The following NISCH variants were observed in gnomAD, a reference collection of about 807,000 sequenced individuals.
The protein encoded by NISCH is I-1 receptor candidate protein.
In NISCH, 55 loss-of-function variants were observed where a neutral mutation model predicts 138.4. That is an observed-to-expected ratio of 0.40 (90% confidence interval 0.32 to 0.50). The LOEUF (loss-of-function observed/expected upper bound fraction) is 0.50. NISCH is among the 20% of genes least tolerant of loss of function. The pLI, the probability that NISCH is intolerant of heterozygous loss-of-function variation, is 0.71. For missense variants in NISCH, 1,643 were observed against 2,005.5 expected, an observed-to-expected ratio of 0.82 and a Z score of 3.45; for synonymous variants, 860 against 861.5, an observed-to-expected ratio of 1.00 and a Z score of 0.03.
rs569796084 is a variant in NISCH, at chr3:52,487,532, T to G, written c.2040T>G (p.Asp680Glu). 1.9e-6 allele frequency: 3 copies of G among 1,607,084 alleles called. No individual in the cohort carries two copies. Among genetic ancestry groups the G allele is most frequent in the Non-Finnish European group, 2.6e-6 (3 of 1,175,142 alleles). The stretch of plus-strand genomic sequence containing the variant: ...AGGAAGAGGAGGAGGAAGAGGAGGA[T>G]GAAGAGGCCGAGGAGGAGCGCCTGG... The part of the protein sequence containing the change: ...QGEEEEEEEE[D>E]EEAEEERLAL... The change falls in exon 16 of 21, where the codon GAT (aspartate) becomes GAG (glutamate). Residue 680 changes from aspartate (D) to glutamate (E), a missense_variant. Physicochemically the swap from Asp to Glu is conservative, Grantham distance 45 (BLOSUM62 2). Transcript: ENST00000345716. The surrounding 1 kb of genome is among the most constrained non-coding windows in gnomAD (Gnocchi z 9.1).
chr3:52,488,030 C>T lies in NISCH; in HGVS notation c.2538C>T (p.Gly846=), dbSNP rs753957007. 1.2e-5 allele frequency: 19 copies of T among 1,611,968 alleles called. No homozygotes were observed. The highest frequency in any genetic ancestry group is 1.2e-4 in the Admixed American group (7 of 60,008). ...RQLLTFYKVA[G]GCQERSQGCF... ...TGCTCACCTTCTACAAGGTGGCTGGCGGCTGCCAGGAGCGCAGCCAGGGCT... is the reference window on the plus strand; with the variant it reads ...TGCTCACCTTCTACAAGGTGGCTGGTGGCTGCCAGGAGCGCAGCCAGGGCT... Residue 846 remains glycine (G), a synonymous_variant, in exon 16 of 21, where the codon GGC becomes GGT. Transcript: ENST00000345716.
At position 52,487,384 on chromosome 3, in the gene NISCH, G is replaced by A; in HGVS notation, c.1892G>A (p.Gly631Asp). 1 of 1,614,038 alleles carries A rather than the reference G, an allele frequency of 6.2e-7. No homozygotes were observed. The highest frequency in any genetic ancestry group is 8.5e-7 in the Non-Finnish European group (1 of 1,179,982). Reference sequence around the variant, plus strand: ...GAGGCTGCCAACCAGCGGGAGGAGGGCCAGGGTGAACAGGGCGAGGAGGAG... The same window carrying A: ...GAGGCTGCCAACCAGCGGGAGGAGGACCAGGGTGAACAGGGCGAGGAGGAG... ...WIEAANQREE[G>D]QGEQGEEEDE... Residue 631 changes from glycine (G) to aspartate (D), a missense_variant, in exon 16 of 21, where the codon GGC becomes GAC. Gly to Asp is a moderately conservative substitution (Grantham distance 94). Coordinates refer to ENST00000345716, the MANE Select transcript of NISCH (RefSeq NM_007184.4). This position sits in a 1 kb window ranked among gnomAD's most constrained non-coding sequence, Gnocchi z 9.1.
Position 52,488,281 on chromosome 3 carries a change from G to A in NISCH, c.2789G>A (p.Arg930His), listed in dbSNP as rs150644559. The A allele has an allele frequency of 2.4e-3, 3,943 of 1,610,474 alleles. 75 individuals are homozygous for A. The Admixed American group carries it at 0.034, about 14-fold the overall frequency. The change falls in exon 16 of 21, where the codon CGT becomes CAT. Residue 930 changes from arginine to histidine, a missense_variant. Arg to His is a conservative substitution (Grantham distance 29). Transcript: ENST00000345716. ...IKADFNPMPN[R>H]GTHNCRNRNS... ...GCCGACTTCAACCCCATGCCCAACC[G>A]TGGCACCCACAACTGTCGCAACCGC...
chr3:52,491,597 C>T, intron 20 of NISCH, 84 bp downstream of exon 20: 1 of 1,415,506 alleles, frequency 7.1e-7, no homozygotes, highest in Non-Finnish European at 9.5e-7. Flanking sequence ...CCCCAGAACC[C>T]TCTCTGCCTC....
At chr3:52,481,799 T>C in intron 13 of NISCH, 1 of 985,506 alleles carries the variant, frequency 1.0e-6, no homozygotes, top group Non-Finnish European at 1.2e-6. Context: ...ACTCCCCTTG[T>C]GCCCTGGGGA....
In NISCH at chr3:52,489,404, C is replaced by T. The variant is rs1302523098; in HGVS notation, c.3182C>T (p.Pro1061Leu). The change falls in exon 17 of 21, where the codon CCA (proline) becomes CTA (leucine). Residue 1061 changes from proline to leucine, a missense_variant. Pro to Leu is a moderately conservative substitution (Grantham distance 98, BLOSUM62 -3). Transcript: ENST00000345716. ...CCGGCCCCAGCGGAAGTCCCAGCTC[C>T]AGCCCCTGCAGCAGCCTCAGCCTCA... Reference protein sequence around the residue: ...LAPAPAEVPAPAPAAASASGP... With the variant: ...LAPAPAEVPALAPAAASASGP... 1 of 1,607,840 alleles carries T rather than the reference C, an allele frequency of 6.2e-7. No homozygotes were observed. The highest frequency in any genetic ancestry group is 1.7e-5 in the Admixed American group (1 of 59,916).
At chr3:52,482,744 G>A (rs1350375915) in intron 13 of NISCH, among the ~76,000 whole-genome samples, 4 of 152,134 alleles carry the variant, frequency 2.6e-5, no homozygotes, top group African/African-American at 4.8e-5. Context: ...GCCACCTGCC[G>A]CATCTTAGAT....
chr3:52,491,907 C>T lies in NISCH; in HGVS notation c.3940C>T (p.Arg1314Cys), dbSNP rs200063553. Reference protein sequence around the residue: ...MENYELIHSSRVKFTYPSEEE... With the variant: ...MENYELIHSSCVKFTYPSEEE... ...GAACTACGAGCTGATCCACTCTAGT[C>T]GCGTCAAGTTTACCTACCCCAGTGA... The change falls in exon 21 of 21, where the codon CGC becomes TGC. Residue 1314 changes from arginine (R) to cysteine (C), a missense_variant. By Grantham distance (180) the Arg-to-Cys change is radical. Coordinates refer to ENST00000345716, the MANE Select transcript of NISCH (RefSeq NM_007184.4). 1.9e-5 allele frequency: 31 copies of T among 1,610,560 alleles called. No homozygotes were observed. Among genetic ancestry groups the T allele is most frequent in the East Asian group, 1.3e-4 (6 of 44,830 alleles).
chr3:52,489,293 A>G (rs1210890743), intron 16 of NISCH, 43 bp from the exon 17 acceptor site: 9 of 1,580,634 alleles, frequency 5.7e-6, no homozygotes, highest in Non-Finnish European at 7.7e-6. Flanking sequence ...GTGAATCTTC[A>G]TTTGGGGTCC....
chr3:52,455,717 C>T lies in NISCH; in HGVS notation c.76C>T (p.Leu26Phe). Residue 26 changes from leucine (L) to phenylalanine (F), a missense_variant, in exon 1 of 21, where the codon CTT (leucine) becomes TTT (phenylalanine). By Grantham distance (22) the Leu-to-Phe change is conservative (BLOSUM62 0). Coordinates refer to ENST00000345716, the MANE Select transcript of NISCH (RefSeq NM_007184.4). ...AKEARVVGSELVDTYTVYIIQ... is the reference protein window; with the variant it reads ...AKEARVVGSEFVDTYTVYIIQ... ...GGAAGCGCGCGTCGTGGGCTCGGAG[C>T]TTGTGGACACTTATACGGTGTGTTG... 1 of 1,366,774 alleles carries T rather than the reference C, an allele frequency of 7.3e-7. No homozygotes were observed. The highest frequency in any genetic ancestry group is 2.0e-5 in the South Asian group (1 of 49,192). The allele number at this position is 1,366,774 out of a possible 1,614,324, so 84.7% of individuals were successfully genotyped here.
intron 3 of NISCH, among the ~76,000 whole-genome samples, chr3:52,461,918 G>A (rs1706645613): frequency 6.6e-6 from 1 of 152,004 alleles, no homozygotes; most frequent in Non-Finnish European, 1.5e-5. Context: ...TAGCCATTTA[G>A]GGATGAAACC....
At chr3:52,479,476 A>G (rs1434168418) in intron 11 of NISCH, among the ~76,000 whole-genome samples, 1 of 152,086 alleles carries the variant, frequency 6.6e-6, no homozygotes, top group Non-Finnish European at 1.5e-5. Flanking sequence ...GGGACTCCAG[A>G]GACAGATGTG....
In NISCH at chr3:52,457,848, C is replaced by T. The variant is rs767950100; in HGVS notation, c.99C>T (p.Tyr33=). ...GSELVDTYTV[Y]IIQVTDGSHE... ...CTGTTGGTTTCCCCTTTTAGGTTTACATCATCCAGGTCACTGATGGCAGCC... is the reference window on the plus strand; with the variant it reads ...CTGTTGGTTTCCCCTTTTAGGTTTATATCATCCAGGTCACTGATGGCAGCC... Residue 33 remains tyrosine (Y), a synonymous_variant, in exon 2 of 21, where the codon TAC becomes TAT. Coordinates refer to ENST00000345716, the MANE Select transcript of NISCH (RefSeq NM_007184.4). 15 of 1,610,722 alleles carry T rather than the reference C, an allele frequency of 9.3e-6. No individual in the cohort carries two copies. The highest frequency in any genetic ancestry group is 8.5e-6 in the Non-Finnish European group (10 of 1,177,268).
At chr3:52,455,760 A>G in intron 1 of NISCH, 26 bp downstream of exon 1, 1 of 1,328,418 alleles carries the variant, frequency 7.5e-7, no homozygotes, top group Non-Finnish European at 9.7e-7. Flanking sequence ...GGGCACCCGA[A>G]GCGGGGGTGG....
In NISCH at chr3:52,487,499, C is replaced by T; in HGVS notation, c.2007C>T (p.Gly669=). Residue 669 remains glycine, a synonymous_variant, in exon 16 of 21, where the codon GGC becomes GGT. Coordinates refer to ENST00000345716, the MANE Select transcript of NISCH (RefSeq NM_007184.4). The surrounding 1 kb of genome is among the most constrained non-coding windows in gnomAD (Gnocchi z 9.1). ...PPDVEEEEGG[G]QGEEEEEEEE... is the part of the protein sequence containing the mutation. Reference sequence around the variant, plus strand: ...ACGTGGAGGAGGAGGAGGGAGGAGGCCAGGGGGAGGAAGAGGAGGAGGAAG... The same window carrying T: ...ACGTGGAGGAGGAGGAGGGAGGAGGTCAGGGGGAGGAAGAGGAGGAGGAAG... 6.2e-7 allele frequency: 1 copy of T among 1,600,818 alleles called. No individual in the cohort carries two copies. Among genetic ancestry groups the T allele is most frequent in the Non-Finnish European group, 8.5e-7 (1 of 1,171,410 alleles).
chr3:52,489,592 C>T lies in NISCH; in HGVS notation c.3370C>T (p.His1124Tyr). The T allele has an allele frequency of 1.9e-6, 3 of 1,613,188 alleles. No homozygotes were observed. Among genetic ancestry groups the T allele is most frequent in the Non-Finnish European group, 2.5e-6 (3 of 1,179,984 alleles). Reference sequence around the variant, plus strand: ...CTCGGAGGAGAATCAGATCCCCTCGCACTTGCCTGCCTGCCCGTCGCTCCG... The same window carrying T: ...CTCGGAGGAGAATCAGATCCCCTCGTACTTGCCTGCCTGCCCGTCGCTCCG... ...ATSEENQIPSHLPACPSLRHV... is the reference protein window; with the variant it reads ...ATSEENQIPSYLPACPSLRHV... Residue 1124 changes from histidine to tyrosine, a missense_variant, in exon 17 of 21, where the codon CAC becomes TAC. By Grantham distance (83) the His-to-Tyr change is moderately conservative. Coordinates refer to ENST00000345716, the MANE Select transcript of NISCH (RefSeq NM_007184.4).
Position 52,492,616 on chromosome 3 carries a change from ATG to A in NISCH, c.*144_*145del. ...GACTGTCCTCGCAGAGAATGTGAAC[ATG>A]TGTGTGTGTTGTGTTAATTCTTTCT... On this transcript the variant is annotated 3_prime_UTR_variant, in exon 21 of 21. Coordinates refer to ENST00000345716, the MANE Select transcript of NISCH (RefSeq NM_007184.4). The A allele has an allele frequency of 2.7e-5, 31 of 1,147,402 alleles. No individual in the cohort carries two copies. The highest frequency in any genetic ancestry group is 3.0e-4 in the Middle Eastern group (1 of 3,378). 71.1% of individuals were successfully genotyped at this position (1,147,402 alleles called of 1,614,324 possible).
At position 52,492,053 on chromosome 3, in the gene NISCH, G is replaced by A. The variant is rs1405566533; in HGVS notation, c.4086G>A (p.Gly1362=). 6.2e-7 allele frequency: 1 copy of A among 1,613,080 alleles called. No homozygotes were observed. The highest frequency in any genetic ancestry group is 8.5e-7 in the Non-Finnish European group (1 of 1,179,956). Residue 1362 remains glycine, a synonymous_variant, in exon 21 of 21, where the codon GGG becomes GGA. Coordinates refer to ENST00000345716, the MANE Select transcript of NISCH (RefSeq NM_007184.4). ...TCCAGGTGGGCATGCCACCCCCTGGGTGCTGCAGGGGCCCCCTGCGCCCCA... is the reference window on the plus strand; with the variant it reads ...TCCAGGTGGGCATGCCACCCCCTGGATGCTGCAGGGGCCCCCTGCGCCCCA... ...QAFQVGMPPP[G]CCRGPLRPKT...
At chr3:52,484,180 A>C in intron 13 of NISCH, 1 of 239,744 alleles carries the variant, frequency 4.2e-6, no homozygotes, top group Non-Finnish European at 8.2e-6. Context: ...CACTTTTCTC[A>C]TTTCATCTGG....
Sources: allele counts gnomAD v4.1 joint callset (sites outside exome capture counted in the v4.1 genomes callset), GRCh38; gene constraint gnomAD v4.1.1; non-coding constraint Gnocchi (gnomAD v3.1); transcripts MANE v1.5; gene names NCBI Gene and HGNC (gene_info 2026-07-23, HGNC 2026-07-21).